The following DLGAP2 variants were observed in gnomAD, a reference collection of about 807,000 sequenced individuals.
DLGAP2 encodes disks large-associated protein 2.
A neutral mutation model predicts 100.3 loss-of-function variants in DLGAP2; 26 were observed. That is an observed-to-expected ratio of 0.26 (90% CI 0.19 to 0.36). The LOEUF is 0.36. Ranked by LOEUF, DLGAP2 falls within the 10% of genes least tolerant of loss-of-function variation. The pLI is 1.00. For missense variants in DLGAP2, 1,858 were observed against 1,453.2 expected, an observed-to-expected ratio of 1.28 and a Z score of -4.53; for synonymous variants, 886 against 630.1, an observed-to-expected ratio of 1.41 and a Z score of -6.08.
Position 1,549,398 on chromosome 8 carries a change from C to G in DLGAP2, c.945C>G (p.Leu315=), listed in dbSNP as rs763776302. The G allele has an allele frequency of 4.6e-5, 74 of 1,613,362 alleles. No individual in the cohort carries two copies. The highest frequency in any genetic ancestry group is 5.8e-5 in the Non-Finnish European group (69 of 1,179,796). The change falls in exon 5 of 15, where the codon CTC becomes CTG. Residue 315 remains leucine (L), a synonymous_variant. Transcript: ENST00000637795. ...GCACCTATCGGACGCCCAGCGTGCT[C>G]AACCGGCACCACCTGGGCCCCGTGG... is the stretch of plus-strand genomic sequence containing the variant. The part of the protein sequence containing the change: ...SDSTYRTPSV[L]NRHHLGPVAH...
chr8:1,048,869 T>C (rs552829482), intron 2 of DLGAP2, among the ~76,000 whole-genome samples: 1 of 152,230 alleles, frequency 6.6e-6, no homozygotes, highest in South Asian at 2.1e-4. Context: ...TAAAATTCAG[T>C]GTGCCTATAA....
chr8:1,627,356 G>A (rs188976432), intron 7 of DLGAP2, among the ~76,000 whole-genome samples: 3 of 152,244 alleles, frequency 2.0e-5, no homozygotes, highest in South Asian at 2.1e-4. Flanking sequence ...GACTGATTTC[G>A]GGACAGGCAC....
Position 1,640,830 on chromosome 8 carries a change from A to T in DLGAP2, c.1810+7784A>T, listed in dbSNP as rs1359163778. On this transcript the variant is annotated intron_variant, in intron 8 of 14. Coordinates refer to ENST00000637795, the MANE Select transcript of DLGAP2 (RefSeq NM_001346810.2). ...ATGACGAAATGCAGTCCAGATACCT[A>T]AAAGATGAAAACTAATCTTTGTGAT... Among the ~76,000 whole-genome samples the T allele has an allele frequency of 2.0e-5, 3 of 152,348 alleles. No homozygotes were observed. The East Asian group carries it at 5.8e-4, about 29-fold the overall frequency.
chr8:905,154 AT>A (rs750023186), intron 1 of DLGAP2, among the ~76,000 whole-genome samples: 3 of 152,072 alleles, frequency 2.0e-5, no homozygotes, highest in Non-Finnish European at 4.4e-5. Flanking sequence ...TTTGTCTTGG[AT>A]CCTCAAGTAT....
intron 3 of DLGAP2, among the ~76,000 whole-genome samples, chr8:1,373,195 T>C (rs999647977): frequency 6.6e-6 from 1 of 152,156 alleles, no homozygotes; most frequent in African/African-American, 2.4e-5. Context: ...TGCTGCCGTT[T>C]GCTTGAGTGA....
At chr8:897,941 C>T (rs1798176816) in intron 1 of DLGAP2, among the ~76,000 whole-genome samples, 1 of 152,188 alleles carries the variant, frequency 6.6e-6, no homozygotes, top group Non-Finnish European at 1.5e-5. Context: ...CCCTCCGTTG[C>T]TGTCTCAGTG....
chr8:1,107,709 A>C (rs1804823012), intron 2 of DLGAP2, among the ~76,000 whole-genome samples: 1 of 152,108 alleles, frequency 6.6e-6, no homozygotes, highest in Admixed American at 6.5e-5. Context: ...TGTTTTTGTA[A>C]AGCACACATA....
chr8:988,483 T>C (rs1159281893), intron 2 of DLGAP2, among the ~76,000 whole-genome samples: 1 of 152,196 alleles, frequency 6.6e-6, no homozygotes, highest in Non-Finnish European at 1.5e-5. Flanking sequence ...GGCGTCTTCT[T>C]TTTAATTTGC....
intron 2 of DLGAP2, among the ~76,000 whole-genome samples, chr8:1,131,621 C>T (rs1240107594): frequency 6.6e-6 from 1 of 152,150 alleles, no homozygotes; most frequent in Non-Finnish European, 1.5e-5. Context: ...CTGCTCCATA[C>T]AGTGACTTTC....
At chr8:1,165,441 T>C (rs1040877396) in intron 2 of DLGAP2, among the ~76,000 whole-genome samples, 3 of 152,212 alleles carry the variant, frequency 2.0e-5, no homozygotes, top group Non-Finnish European at 4.4e-5. Context: ...TTTCTCAAAG[T>C]GTGCATGTGT....
chr8:781,344 A>G (rs1254206312), intron 1 of DLGAP2, among the ~76,000 whole-genome samples: 1 of 152,208 alleles, frequency 6.6e-6, no homozygotes, highest in East Asian at 1.9e-4. Flanking sequence ...CTTCTTAATA[A>G]TGAGGTTTGA....
At chr8:897,580 G>T (rs1232027311) in intron 1 of DLGAP2, among the ~76,000 whole-genome samples, 2 of 152,158 alleles carry the variant, frequency 1.3e-5, no homozygotes, top group African/African-American at 2.4e-5. Context: ...AGTCACGGGG[G>T]TGTGTGCGAG....
At chr8:1,361,353 G>A (rs1322841015) in intron 3 of DLGAP2, among the ~76,000 whole-genome samples, 1 of 152,232 alleles carries the variant, frequency 6.6e-6, no homozygotes, top group Non-Finnish European at 1.5e-5. Flanking sequence ...TACTTCAGAT[G>A]CTATTTATAG....
chr8:1,676,647 A>T (rs772031461), intron 11 of DLGAP2, 29 bp downstream of exon 11: 9 of 1,593,914 alleles, frequency 5.6e-6, no homozygotes, highest in Middle Eastern at 1.7e-4. Flanking sequence ...ACACGCGGTG[A>T]CCCCCGAGCG....
intron 6 of DLGAP2, among the ~76,000 whole-genome samples, chr8:1,591,561 C>T (rs897586849): frequency 1.0e-4 from 15 of 147,440 alleles, no homozygotes; most frequent in African/African-American, 3.8e-4. Flanking sequence ...CACTGTTCAC[C>T]CCTGCAGCCT....
At chr8:960,745 A>G (rs1428947949) in intron 2 of DLGAP2, among the ~76,000 whole-genome samples, 1 of 152,154 alleles carries the variant, frequency 6.6e-6, no homozygotes, top group Non-Finnish European at 1.5e-5. Context: ...CGATAAACCT[A>G]TTGTAAGTTG....
At chr8:955,523 G>T (rs1034148445) in intron 2 of DLGAP2, among the ~76,000 whole-genome samples, 2 of 152,092 alleles carry the variant, frequency 1.3e-5, no homozygotes, top group Non-Finnish European at 2.9e-5. Context: ...TCTGAGCCCC[G>T]GGTTGGGTGG....
intron 2 of DLGAP2, among the ~76,000 whole-genome samples, chr8:1,092,844 G>A (rs1804230344): frequency 2.0e-5 from 3 of 152,314 alleles, no homozygotes; most frequent in South Asian, 4.1e-4. Flanking sequence ...GGCCAGGAGT[G>A]TGGACCGGGG....
chr8:1,531,579 A>T (rs776511518), intron 4 of DLGAP2, among the ~76,000 whole-genome samples: 6 of 152,208 alleles, frequency 3.9e-5, no homozygotes, highest in Admixed American at 1.3e-4. Context: ...ATTGCACTCC[A>T]GCCTGGGCAA....
Sources: allele counts gnomAD v4.1 joint callset (sites outside exome capture counted in the v4.1 genomes callset), GRCh38; gene constraint gnomAD v4.1.1; transcripts MANE v1.5; gene names NCBI Gene and HGNC (gene_info 2026-07-23, HGNC 2026-07-21).